TM9SF2: variants seen among roughly 807,000 people sequenced by gnomAD.
TM9SF2 encodes transmembrane 9 superfamily member 2.
TM9SF2 carries 13 observed loss-of-function variants against 84.9 expected under a neutral mutation model. That is an observed-to-expected ratio of 0.15 (90% CI 0.10 to 0.24). The LOEUF is 0.24. Ranked by LOEUF, TM9SF2 falls within the 10% of genes least tolerant of loss-of-function variation. TM9SF2 has a pLI of 1.00. For missense variants in TM9SF2, 562 were observed against 818.5 expected, an observed-to-expected ratio of 0.69 and a Z score of 3.82; for synonymous variants, 273 against 285.8, an observed-to-expected ratio of 0.96 and a Z score of 0.45.
At chr13:99,504,006 T>C (rs1286735980) in intron 1 of TM9SF2, among the ~76,000 whole-genome samples, 1 of 152,240 alleles carries the variant, frequency 6.6e-6, no homozygotes, top group Admixed American at 6.5e-5. Flanking sequence ...AAACAACTCT[T>C]AGAAGAGCAG....
At chr13:99,549,368 ATT>A in intron 12 of TM9SF2, 146 bp downstream of exon 12, 1 of 623,680 alleles carries the variant, frequency 1.6e-6, no homozygotes, top group South Asian at 2.1e-5. Context: ...TAAAATAAAT[ATT>A]TTATAAACGT....
At chr13:99,553,051 C>G (rs566052170) in intron 13 of TM9SF2, among the ~76,000 whole-genome samples, 3 of 152,220 alleles carry the variant, frequency 2.0e-5, no homozygotes, top group South Asian at 4.1e-4. Context: ...AGGTTTCAGT[C>G]CTTCCTCCAG....
chr13:99,506,587 A>G (rs933529731), intron 1 of TM9SF2, among the ~76,000 whole-genome samples: 4 of 152,238 alleles, frequency 2.6e-5, no homozygotes, highest in Non-Finnish European at 4.4e-5. Context: ...ATTGTTCATT[A>G]TAGTGAATCT....
Position 99,520,503 on chromosome 13 carries a change from T to C in TM9SF2, c.333+374T>C, listed in dbSNP as rs1421838064. Among the ~76,000 whole-genome samples the C allele has an allele frequency of 2.6e-5, 4 of 152,120 alleles. No homozygotes were observed. The East Asian group carries it at 7.7e-4, about 29-fold the overall frequency. On this transcript the variant is annotated intron_variant, in intron 3 of 16. Coordinates refer to ENST00000376387, the MANE Select transcript of TM9SF2 (RefSeq NM_004800.3). ...TTTCCCCCTGTTTTCCAGCAGTATC[T>C]AGAGACACTCTCCGTTAGCACGTAC...
At chr13:99,525,903 G>A (rs1046589600) in intron 3 of TM9SF2, among the ~76,000 whole-genome samples, 5 of 152,200 alleles carry the variant, frequency 3.3e-5, no homozygotes, top group Non-Finnish European at 7.3e-5. Context: ...GTGGATGAGT[G>A]TGATCAGTAG....
chr13:99,526,016 C>T (rs1480180080), intron 3 of TM9SF2, among the ~76,000 whole-genome samples: 1 of 152,182 alleles, frequency 6.6e-6, no homozygotes, highest in Non-Finnish European at 1.5e-5. Context: ...AGGTTGGCCT[C>T]AGTGAGCTCG....
chr13:99,536,299 G>GT (rs540336278), intron 4 of TM9SF2, among the ~76,000 whole-genome samples: 2,255 of 139,510 alleles, frequency 0.016, 22 homozygotes, highest in Admixed American at 0.025. Flanking sequence ...AGTTTTTTTT[G>GT]TTTTTTTTTT....
intron 1 of TM9SF2, among the ~76,000 whole-genome samples, chr13:99,503,150 A>T (rs534191562): frequency 1.3e-5 from 2 of 152,354 alleles, no homozygotes; most frequent in African/African-American, 4.8e-5. Context: ...ACTTGCAAGT[A>T]CACTGGTTTT....
chr13:99,519,479 T>C (rs2046149636), intron 2 of TM9SF2: 1 of 152,796 alleles, frequency 6.5e-6, no homozygotes, highest in Non-Finnish European at 1.5e-5. Context: ...TTTATTAAAG[T>C]TGGTTAGTAA....
chr13:99,560,574 C>T (rs1293828002), intron 16 of TM9SF2, among the ~76,000 whole-genome samples: 1 of 152,170 alleles, frequency 6.6e-6, no homozygotes, highest in Non-Finnish European at 1.5e-5. Context: ...TTATTCCTAG[C>T]CTACACACAA....
At chr13:99,522,553 T>C (rs1177625252) in intron 3 of TM9SF2, among the ~76,000 whole-genome samples, 2 of 152,264 alleles carry the variant, frequency 1.3e-5, no homozygotes, top group Non-Finnish European at 2.9e-5. Context: ...ATTCTTCTTA[T>C]AGCAGATGAC....
intron 1 of TM9SF2, among the ~76,000 whole-genome samples, chr13:99,512,358 C>T (rs544050024): frequency 5.8e-4 from 88 of 152,168 alleles, no homozygotes; most frequent in African/African-American, 1.9e-3. Context: ...AAAAGTAGAC[C>T]TAGGATTTGA....
At chr13:99,558,012 G>A (rs1324919790) in intron 15 of TM9SF2, among the ~76,000 whole-genome samples, 1 of 152,216 alleles carries the variant, frequency 6.6e-6, no homozygotes, top group Non-Finnish European at 1.5e-5. Context: ...TTTGTGTGAT[G>A]TAGTGTCCAG....
intron 12 of TM9SF2, among the ~76,000 whole-genome samples, chr13:99,550,621 G>A (rs2046301847): frequency 6.6e-6 from 1 of 152,150 alleles, no homozygotes; most frequent in Admixed American, 6.5e-5. Flanking sequence ...GTATTCAGGG[G>A]CAGGGGGACT....
chr13:99,549,858 C>G (rs2046298498), intron 12 of TM9SF2, among the ~76,000 whole-genome samples: 1 of 152,190 alleles, frequency 6.6e-6, no homozygotes, highest in South Asian at 2.1e-4. Context: ...GTCTAGAAAC[C>G]AGAACTGTTC....
chr13:99,514,315 T>C (rs1169908855), intron 1 of TM9SF2: 2 of 152,416 alleles, frequency 1.3e-5, no homozygotes, highest in East Asian at 3.9e-4. Flanking sequence ...GTTCTATTCA[T>C]GGTAAGTGCC....
rs140613988 is a variant in TM9SF2 at position 99,528,825 on chromosome 13, A to G, written c.334-642A>G. On this transcript the variant is annotated intron_variant, in intron 3 of 16. Transcript: ENST00000376387. ...CTGCTTTAGGGATGTTAATAAATAC[A>G]TACATACAAAAGAGTGGGCTGCTTA... Among the ~76,000 whole-genome samples, 785 of 152,322 alleles carry G rather than the reference A, an allele frequency of 5.2e-3. 12 individuals are homozygous for G. Among genetic ancestry groups the G allele is most frequent in the African/African-American group, 0.018 (743 of 41,562 alleles).
At chr13:99,539,999 ATTG>A (rs2046251193) in intron 7 of TM9SF2, among the ~76,000 whole-genome samples, 1 of 152,238 alleles carries the variant, frequency 6.6e-6, no homozygotes, top group Non-Finnish European at 1.5e-5. Context: ...ATGCAAATTC[ATTG>A]TTATGAGAAT....
intron 3 of TM9SF2, among the ~76,000 whole-genome samples, chr13:99,523,259 C>T (rs1057164888): frequency 3.3e-5 from 5 of 152,142 alleles, no homozygotes; most frequent in Non-Finnish European, 7.3e-5. Flanking sequence ...TCAATAAATC[C>T]TCTCACCTCA....
Sources: gnomAD v4.1 joint callset for allele counts (sites outside exome capture counted in the v4.1 genomes callset) on GRCh38, gnomAD v4.1.1 for gene constraint, MANE v1.5 for transcripts, NCBI Gene and HGNC (gene_info 2026-07-23, HGNC 2026-07-21) for gene names.